Variants in STK31 observed in about 807,000 individuals in gnomAD.
STK31 encodes the protein serine/threonine kinase 31.
STK31 carries 89 observed loss-of-function variants against 129.7 expected under a neutral mutation model. That is an observed-to-expected ratio of 0.69 (90% confidence interval 0.58 to 0.82). STK31 has a LOEUF of 0.82. STK31 is among the 40% of genes least tolerant of loss of function. STK31 has a pLI of 0.00. For missense variants in STK31, 1,187 were observed against 1,176.4 expected, an observed-to-expected ratio of 1.01 and a Z score of -0.13; for synonymous variants, 448 against 395.3, an observed-to-expected ratio of 1.13 and a Z score of -1.58.
intron 23 of STK31, among the ~76,000 whole-genome samples, chr7:23,817,188 A>C (rs12700482): frequency 0.44 from 66,121 of 149,762 alleles, 14,771 homozygotes; most frequent in South Asian, 0.53. Flanking sequence ...ACTTTGTCTC[A>C]AAAAAAAAAA....
rs757366658 is a variant in STK31 at position 23,735,620 on chromosome 7, T to C, written c.566T>C (p.Ile189Thr). ...IKATSEDGTV[I>T]AQAEYGSVDI... The stretch of plus-strand genomic sequence containing the variant: ...GCAACCTCTGAAGATGGAACAGTTA[T>C]TGCTCAGGCTGAGTATGGCAGTGTG... Residue 189 changes from isoleucine (I) to threonine (T), a missense_variant, in exon 7 of 24, where the codon ATT becomes ACT. Ile to Thr is a moderately conservative substitution (Grantham distance 89, BLOSUM62 -1). This residue lies in a region of STK31 where 103 missense variants were observed against 110.4 expected (regional missense o/e 0.93). Transcript: ENST00000355870. The C allele has an allele frequency of 1.2e-6, 2 of 1,614,104 alleles. No individual in the cohort carries two copies. The highest frequency in any genetic ancestry group is 8.5e-7 in the Non-Finnish European group (1 of 1,180,028).
At chr7:23,811,346 T>G (rs893608877) in intron 22 of STK31, 14 of 400,752 alleles carry the variant, frequency 3.5e-5, no homozygotes, top group Admixed American at 2.8e-5. Flanking sequence ...TGGTCTTCAT[T>G]CTTCAAGTTT....
intron 23 of STK31, among the ~76,000 whole-genome samples, chr7:23,825,480 C>A (rs1465208311): frequency 6.6e-6 from 1 of 151,504 alleles, no homozygotes; most frequent in East Asian, 1.9e-4. Context: ...CTATTTGATT[C>A]TTCTCTCTTT....
chr7:23,792,462 A>C (rs1006233047), intron 22 of STK31, among the ~76,000 whole-genome samples: 1 of 152,124 alleles, frequency 6.6e-6, no homozygotes, highest in Admixed American at 6.6e-5. Context: ...AGAGAAACTC[A>C]AGAAGACATA....
Position 23,712,214 on chromosome 7 carries a change from G to A in STK31, c.98-20G>A, listed in dbSNP as rs1357462954. 1 of 1,614,028 alleles carries A rather than the reference G, an allele frequency of 6.2e-7. No homozygotes were observed. The highest frequency in any genetic ancestry group is 1.7e-5 in the Admixed American group (1 of 60,020). ...TACTGATTAATTTCTAATTTTCCTT[G>A]TATTGTGATTTGATTTTAGTGGAAG... is the stretch of plus-strand genomic sequence containing the variant. On this transcript the variant is annotated intron_variant, in intron 2 of 23. Transcript: ENST00000355870.
chr7:23,808,740 C>T (rs922379598), intron 22 of STK31, among the ~76,000 whole-genome samples: 3 of 152,108 alleles, frequency 2.0e-5, no homozygotes, highest in African/African-American at 7.2e-5. Flanking sequence ...AAAGGGATGA[C>T]TTCCCATGAC....
intron 4 of STK31, among the ~76,000 whole-genome samples, chr7:23,718,281 T>C (rs527289041): frequency 3.9e-5 from 6 of 152,194 alleles, no homozygotes; most frequent in African/African-American, 9.6e-5. Flanking sequence ...TTGACTTTGA[T>C]TCACAAAAAA....
At chr7:23,745,643 C>T (rs566383700) in intron 8 of STK31, among the ~76,000 whole-genome samples, 1 of 152,206 alleles carries the variant, frequency 6.6e-6, no homozygotes, top group African/African-American at 2.4e-5. Context: ...CAGCAGCTAG[C>T]ATTGCCTCAG....
intron 22 of STK31, among the ~76,000 whole-genome samples, chr7:23,794,619 C>T (rs1284858685): frequency 6.6e-6 from 1 of 152,114 alleles, no homozygotes; most frequent in Non-Finnish European, 1.5e-5. Flanking sequence ...TTTGGAACTT[C>T]CTAGAGACTT....
intron 15 of STK31, among the ~76,000 whole-genome samples, chr7:23,775,514 G>C (rs1016610489): frequency 3.3e-5 from 5 of 152,122 alleles, no homozygotes; most frequent in African/African-American, 9.7e-5. Context: ...TTGAGCAGTG[G>C]TTTGTAGTTC....
intron 15 of STK31, among the ~76,000 whole-genome samples, chr7:23,775,247 A>T (rs11761765): frequency 2.0e-5 from 3 of 151,918 alleles, no homozygotes; most frequent in African/African-American, 7.3e-5. Flanking sequence ...TAGTATAGTT[A>T]AAGTCAGGTA....
chr7:23,727,335 G>GC lies in STK31; in HGVS notation c.324+20_324+21insC. 2 of 1,583,466 alleles carry GC rather than the reference G, an allele frequency of 1.3e-6. No homozygotes were observed. The highest frequency in any genetic ancestry group is 2.7e-5 in the African/African-American group (2 of 73,644). Reference sequence around the variant, plus strand: ...GAAAAGGCAGGAAATTAAGTGTTCAGTTTTTTTTTGCTTTAAGAAATATTT... The same window carrying GC: ...GAAAAGGCAGGAAATTAAGTGTTCAGCTTTTTTTTTGCTTTAAGAAATATTT... On this transcript the variant is annotated intron_variant, in intron 5 of 23. Transcript: ENST00000355870.
intron 8 of STK31, among the ~76,000 whole-genome samples, chr7:23,741,789 A>G (rs1028813992): frequency 6.6e-6 from 1 of 152,222 alleles, no homozygotes; most frequent in African/African-American, 2.4e-5. Context: ...CTCAAGTGTA[A>G]GTCTCACAGC....
intron 8 of STK31, among the ~76,000 whole-genome samples, chr7:23,742,640 G>A (rs2128085652): frequency 6.6e-6 from 1 of 152,306 alleles, no homozygotes; most frequent in Non-Finnish European, 1.5e-5. Context: ...CCTGCGTACA[G>A]TAGCCTTTCC....
At chr7:23,802,249 T>C (rs1227631170) in intron 22 of STK31, among the ~76,000 whole-genome samples, 2 of 152,184 alleles carry the variant, frequency 1.3e-5, no homozygotes, top group Admixed American at 1.3e-4. Flanking sequence ...GGTTGTTTGC[T>C]GGTTAATTTT....
intron 20 of STK31, among the ~76,000 whole-genome samples, 199 bp from the exon 21 acceptor site, chr7:23,787,780 AC>A (rs1791380682): frequency 2.0e-5 from 3 of 147,430 alleles, no homozygotes; most frequent in Non-Finnish European, 4.5e-5. Context: ...ACACACACAC[AC>A]AAACACACAC....
At chr7:23,741,520 C>A (rs908886239) in intron 8 of STK31, among the ~76,000 whole-genome samples, 2 of 152,130 alleles carry the variant, frequency 1.3e-5, no homozygotes, top group African/African-American at 4.8e-5. Flanking sequence ...ATGAAACTAT[C>A]ATTAATCAGA....
chr7:23,797,310 A>G (rs531079295), intron 22 of STK31, among the ~76,000 whole-genome samples: 1 of 152,338 alleles, frequency 6.6e-6, no homozygotes, highest in South Asian at 2.1e-4. Context: ...AACAGCGTAT[A>G]CATTCTTTTC....
chr7:23,810,940 T>TAC (rs142209476), intron 22 of STK31, among the ~76,000 whole-genome samples: 2,010 of 140,306 alleles, frequency 0.014, 66 homozygotes, highest in African/African-American at 0.047. Flanking sequence ...TGTGTGTATA[T>TAC]ACACACACAC....
Sources: allele counts gnomAD v4.1 joint callset (sites outside exome capture counted in the v4.1 genomes callset), GRCh38; gene constraint gnomAD v4.1.1; regional missense constraint gnomAD v4.1.1; transcripts MANE v1.5; gene names NCBI Gene and HGNC (gene_info 2026-07-23, HGNC 2026-07-21).